The following CCNT2 variants were observed in gnomAD, a reference collection of about 807,000 sequenced individuals.
The protein encoded by CCNT2 is cyclin-T2.
Under a neutral mutation model 70.0 loss-of-function variants are expected in CCNT2, and 18 were observed. The ratio of observed to expected loss-of-function variants is 0.26; its 90% CI spans 0.18 to 0.38. The LOEUF (loss-of-function observed/expected upper bound fraction) is 0.38. CCNT2 is among the 10% of genes least tolerant of loss of function. The pLI is 1.00. For synonymous variants in CCNT2, 334 were observed against 313.3 expected (o/e 1.07, Z -0.70); for missense variants, 734 against 890.2 (o/e 0.82, Z 2.23).
chr2:134,935,232 T>G (rs1215773180), intron 2 of CCNT2, among the ~76,000 whole-genome samples: 1 of 152,208 alleles, frequency 6.6e-6, no homozygotes, highest in Admixed American at 6.5e-5. Flanking sequence ...AAGTTGAAAG[T>G]GCAAATTAAA....
At chr2:134,919,235 C>T (rs1316779243) in intron 1 of CCNT2, among the ~76,000 whole-genome samples, 2 of 152,116 alleles carry the variant, frequency 1.3e-5, no homozygotes, top group African/African-American at 2.4e-5. Flanking sequence ...GTTGTGTAAT[C>T]TGTTTGGGGC....
intron 5 of CCNT2, chr2:134,943,860 T>C (rs2105066008): frequency 1.0e-6 from 1 of 983,638 alleles, no homozygotes; most frequent in East Asian, 1.1e-4. Context: ...TTCATTCATT[T>C]ACTACCAAGT....
At position 134,918,831 on chromosome 2, in the gene CCNT2, G is replaced by A. The variant is rs779959916; in HGVS notation, c.-24G>A. 11 of 1,603,636 alleles carry A rather than the reference G, an allele frequency of 6.9e-6. No individual in the cohort carries two copies. Among genetic ancestry groups the A allele is most frequent in the Admixed American group, 1.7e-5 (1 of 59,316 alleles). On this transcript the variant is annotated 5_prime_UTR_variant, in exon 1 of 9. Coordinates refer to ENST00000264157, the MANE Select transcript of CCNT2 (RefSeq NM_058241.3). ...CCAGGAGGGGCGGGGGGTGAATGAA[G>A]GAGCGGGCGGAGGAGGAAGTGTCAT...
At chr2:134,947,637 G>C in intron 6 of CCNT2, 99 bp from the exon 7 acceptor site, 1 of 775,938 alleles carries the variant, frequency 1.3e-6, no homozygotes, top group Non-Finnish European at 1.9e-6. Context: ...CTTAAAGATA[G>C]AGTTTAAATT....
rs62168894 is a variant in CCNT2, at chr2:134,924,881, C to T, written c.240+4990C>T. On this transcript the variant is annotated intron_variant, in intron 2 of 8. Coordinates refer to ENST00000264157, the MANE Select transcript of CCNT2 (RefSeq NM_058241.3). ...TCTCTCAGTATGCATGTTTCCCCTC[C>T]ATCTTTTTATGTCAACTAAGTTGTA... 5.6e-3 allele frequency among the ~76,000 whole-genome samples: 850 copies of T among 152,238 alleles called. 5 individuals carry two copies. The highest frequency in any genetic ancestry group is 9.9e-3 in the Non-Finnish European group (672 of 68,010).
chr2:134,930,448 C>T (rs576812704), intron 2 of CCNT2, among the ~76,000 whole-genome samples: 2 of 152,266 alleles, frequency 1.3e-5, no homozygotes, highest in South Asian at 4.1e-4. Context: ...ATGAATAATG[C>T]TGCTATGAAC....
chr2:134,943,210 G>A (rs1681695492), intron 5 of CCNT2: 1 of 515,022 alleles, frequency 1.9e-6, no homozygotes, highest in African/African-American at 2.1e-5. Flanking sequence ...AGACCAGCCT[G>A]GGCAACATGG....
chr2:134,951,861 A>T (rs888374495), intron 7 of CCNT2, among the ~76,000 whole-genome samples: 14 of 152,120 alleles, frequency 9.2e-5, no homozygotes, highest in African/African-American at 3.4e-4. Context: ...ATTTTTCCCT[A>T]TTCTAGGATC....
chr2:134,928,828 G>A (rs1390597396), intron 2 of CCNT2, among the ~76,000 whole-genome samples: 1 of 152,068 alleles, frequency 6.6e-6, no homozygotes, highest in East Asian at 1.9e-4. Flanking sequence ...TACCTGAGAG[G>A]GCAGGAAGAG....
At chr2:134,923,465 T>C (rs1680063902) in intron 2 of CCNT2, among the ~76,000 whole-genome samples, 1 of 152,222 alleles carries the variant, frequency 6.6e-6, no homozygotes, top group South Asian at 2.1e-4. Context: ...AAGCAATAAT[T>C]AATCCAACAA....
chr2:134,925,690 T>C (rs1437612116), intron 2 of CCNT2, among the ~76,000 whole-genome samples: 2 of 152,140 alleles, frequency 1.3e-5, no homozygotes. Context: ...GGCATTTGGA[T>C]TGTTAGCCAC....
At chr2:134,949,931 A>G (rs898192662) in intron 7 of CCNT2, among the ~76,000 whole-genome samples, 4 of 151,842 alleles carry the variant, frequency 2.6e-5, no homozygotes, top group African/African-American at 9.7e-5. Flanking sequence ...AGTAGCTGGG[A>G]TTACAGGTGC....
chr2:134,958,602 T>C lies in CCNT2; in HGVS notation c.*3954T>C, dbSNP rs776244094. ...AGAATCACATTCTGATACGTTAATA[T>C]CAGAAATCAGTGAGCAACCTAATTG... On this transcript the variant is annotated 3_prime_UTR_variant, in exon 9 of 9. Transcript: ENST00000264157. 6 of 152,204 alleles carry C rather than the reference T, an allele frequency of 3.9e-5. No homozygotes were observed. Among genetic ancestry groups the C allele is most frequent in the Non-Finnish European group, 8.8e-5 (6 of 68,036 alleles). 9.4% of individuals were successfully genotyped at this position (152,204 alleles called of 1,614,324 possible). A position where few individuals can be genotyped will look rare whatever the true frequency, so the allele number is the denominator to read the frequency against.
intron 2 of CCNT2, among the ~76,000 whole-genome samples, chr2:134,929,922 A>G (rs1680613005): frequency 6.6e-6 from 1 of 151,830 alleles, no homozygotes; most frequent in Non-Finnish European, 1.5e-5. Context: ...AAGTGCTGGG[A>G]TTACAGGCAT....
At chr2:134,930,704 C>G (rs1249792397) in intron 2 of CCNT2, among the ~76,000 whole-genome samples, 1 of 151,730 alleles carries the variant, frequency 6.6e-6, no homozygotes, top group African/African-American at 2.4e-5. Flanking sequence ...CGTAGCCATC[C>G]TAACAGTGTG....
chr2:134,945,707 A>C, intron 5 of CCNT2: 1 of 1,271,692 alleles, frequency 7.9e-7, no homozygotes, highest in Non-Finnish European at 1.0e-6. Flanking sequence ...CTGAGGATTA[A>C]GTCTGGCAGG....
rs1263714465 is a variant in CCNT2 at position 134,958,126 on chromosome 2, A to G, written c.*3478A>G. ...GCTTATATCTGCATGAATATTATGC[A>G]TTTCATGAGTACAGTTAGTTGATTA... On this transcript the variant is annotated 3_prime_UTR_variant, in exon 9 of 9. Coordinates refer to ENST00000264157, the MANE Select transcript of CCNT2 (RefSeq NM_058241.3). 6.6e-6 allele frequency: 1 copy of G among 152,224 alleles called. No homozygotes were observed. The highest frequency in any genetic ancestry group is 1.5e-5 in the Non-Finnish European group (1 of 68,040). 9.4% of individuals were successfully genotyped at this position (152,224 alleles called of 1,614,324 possible). A position where few individuals can be genotyped will look rare whatever the true frequency, so the allele number is the denominator to read the frequency against.
intron 5 of CCNT2, chr2:134,945,030 T>C (rs1234886544): frequency 2.0e-6 from 2 of 985,452 alleles, no homozygotes; most frequent in East Asian, 1.1e-4. Context: ...AATGTCATTT[T>C]ACAGGGACCT....
At chr2:134,946,190 T>C in intron 6 of CCNT2, 44 bp downstream of exon 6, 1 of 1,596,990 alleles carries the variant, frequency 6.3e-7, no homozygotes, top group Non-Finnish European at 8.6e-7. Flanking sequence ...TAGCACACTA[T>C]AGCTTCCTTT....
Sources: gnomAD v4.1 joint callset for allele counts (sites outside exome capture counted in the v4.1 genomes callset) on GRCh38, gnomAD v4.1.1 for gene constraint, MANE v1.5 for transcripts, NCBI Gene and HGNC (gene_info 2026-07-23, HGNC 2026-07-21) for gene names.